Variants in CDK17 observed in about 807,000 individuals in gnomAD.
CDK17 encodes cyclin dependent kinase 17.
A neutral mutation model predicts 77.6 loss-of-function variants in CDK17; 24 were observed. That is an observed-to-expected ratio of 0.31 (90% confidence interval 0.22 to 0.44). CDK17 has a LOEUF of 0.44. CDK17 is among the 20% of genes least tolerant of loss of function. The pLI, the probability that CDK17 is intolerant of heterozygous loss-of-function variation, is 1.00. For missense variants in CDK17, 429 were observed against 622.5 expected (o/e 0.69, Z 3.31); for synonymous variants, 203 against 210.4 (o/e 0.96, Z 0.30).
In CDK17 at chr12:96,358,592, C is replaced by T. The variant is rs556151957; in HGVS notation, c.-29-23727G>A. 1.6e-3 allele frequency among the ~76,000 whole-genome samples: 247 copies of T among 152,186 alleles called. 2 individuals are homozygous for T. The highest frequency in any genetic ancestry group is 1.5e-3 in the Non-Finnish European group (103 of 67,984). On this transcript the variant is annotated intron_variant, in intron 1 of 16. Coordinates refer to ENST00000261211, the MANE Select transcript of CDK17 (RefSeq NM_002595.5). ...ATCTCAGCACTTTGGAAGGCTGAGG[C>T]AGGTGGATCACCTGAGGTCAGGAGT...
At chr12:96,376,965 C>T (rs1250750302) in intron 1 of CDK17, among the ~76,000 whole-genome samples, 2 of 152,042 alleles carry the variant, frequency 1.3e-5, no homozygotes, top group Non-Finnish European at 2.9e-5. Context: ...AAGGAGTTTC[C>T]ATTTACTATA....
chr12:96,333,489 A>AC (rs1336594788), intron 2 of CDK17, among the ~76,000 whole-genome samples: 1 of 151,630 alleles, frequency 6.6e-6, no homozygotes, highest in Non-Finnish European at 1.5e-5. Flanking sequence ...ACATGGTGAA[A>AC]CCCCAACCCC....
Position 96,313,302 on chromosome 12 carries a change from G to A in CDK17, c.417+19C>T, listed in dbSNP as rs766201328. 4 of 1,557,656 alleles carry A rather than the reference G, an allele frequency of 2.6e-6. No homozygotes were observed. In the East Asian group the frequency reaches 7.3e-5, roughly 28 times the overall value. On this transcript the variant is annotated intron_variant, in intron 4 of 16. Coordinates refer to ENST00000261211, the MANE Select transcript of CDK17 (RefSeq NM_002595.5). Reference sequence around the variant, plus strand: ...AACACACATATTCACAAGTATATTTGTATTTTTTAAATGATTACCTCCATT... The same window carrying A: ...AACACACATATTCACAAGTATATTTATATTTTTTAAATGATTACCTCCATT...
intron 1 of CDK17, among the ~76,000 whole-genome samples, chr12:96,381,207 T>C (rs538306460): frequency 6.6e-6 from 1 of 152,348 alleles, no homozygotes; most frequent in African/African-American, 2.4e-5. Context: ...ATGGTCTCCT[T>C]GGAAATCCAT....
chr12:96,337,537 TAGATG>T (rs1053630103), intron 1 of CDK17, among the ~76,000 whole-genome samples: 2 of 152,194 alleles, frequency 1.3e-5, no homozygotes, highest in African/African-American at 4.8e-5. Flanking sequence ...TGATGTGGAT[TAGATG>T]AGATAATATA....
rs540005846 is a variant in CDK17 at position 96,355,629 on chromosome 12, G to A, written c.-29-20764C>T. On this transcript the variant is annotated intron_variant, in intron 1 of 16. Coordinates refer to ENST00000261211, the MANE Select transcript of CDK17 (RefSeq NM_002595.5). Reference sequence around the variant, plus strand: ...CACCATGTTGGCGAGGATGGTCTCCGCCTCTTGACCTTGTGATCCGCCCAC... The same window carrying A: ...CACCATGTTGGCGAGGATGGTCTCCACCTCTTGACCTTGTGATCCGCCCAC... 2.7e-4 allele frequency among the ~76,000 whole-genome samples: 41 copies of A among 151,950 alleles called. No homozygotes were observed. The South Asian group carries it at 7.1e-3, about 26-fold the overall frequency.
intron 5 of CDK17, among the ~76,000 whole-genome samples, chr12:96,304,128 C>G (rs1443912703): frequency 1.3e-5 from 2 of 152,164 alleles, no homozygotes; most frequent in Non-Finnish European, 2.9e-5. Context: ...TATCCTCAGA[C>G]TATGTTTGAC....
chr12:96,399,800 C>T (rs568109505), intron 1 of CDK17, among the ~76,000 whole-genome samples, 186 bp downstream of exon 1: 3 of 152,152 alleles, frequency 2.0e-5, no homozygotes, highest in Admixed American at 2.0e-4. Context: ...CCTCGCTGGA[C>T]CGGAGAGGTG....
intron 1 of CDK17, among the ~76,000 whole-genome samples, chr12:96,379,040 G>T (rs1953833285): frequency 6.6e-6 from 1 of 152,090 alleles, no homozygotes; most frequent in South Asian, 2.1e-4. Flanking sequence ...GAATCTGAAG[G>T]TTCAAATACT....
chr12:96,300,601 T>A (rs11108456), intron 5 of CDK17, among the ~76,000 whole-genome samples: 12,114 of 152,164 alleles, frequency 0.08, 665 homozygotes, highest in South Asian at 0.17. Context: ...TTCAACACAT[T>A]GGCCAGGCTG....
chr12:96,388,985 T>A (rs1197060082), intron 1 of CDK17, among the ~76,000 whole-genome samples: 1 of 152,056 alleles, frequency 6.6e-6, no homozygotes, highest in Non-Finnish European at 1.5e-5. Context: ...ATGAGGGATC[T>A]GCCCCATGAT....
At chr12:96,399,902 G>C (rs894039256) in intron 1 of CDK17, 84 bp downstream of exon 1, 15 of 266,286 alleles carry the variant, frequency 5.6e-5, no homozygotes, top group Non-Finnish European at 7.0e-5. Flanking sequence ...CCCCGCCCCC[G>C]CCTCTGTCCC....
intron 1 of CDK17, among the ~76,000 whole-genome samples, chr12:96,348,601 A>G (rs951732099): frequency 6.6e-6 from 1 of 151,926 alleles, no homozygotes; most frequent in African/African-American, 2.4e-5. Context: ...TAACAAGAAG[A>G]GATTACACTC....
At chr12:96,304,990 T>G (rs1266654703) in intron 5 of CDK17, among the ~76,000 whole-genome samples, 1 of 152,208 alleles carries the variant, frequency 6.6e-6, no homozygotes, top group Non-Finnish European at 1.5e-5. Context: ...ATAATTTGAA[T>G]ACAATAAGAC....
intron 5 of CDK17, among the ~76,000 whole-genome samples, chr12:96,304,860 T>C (rs951891286): frequency 1.3e-5 from 2 of 152,214 alleles, no homozygotes; most frequent in Non-Finnish European, 2.9e-5. Flanking sequence ...GACTTGATTG[T>C]ATTTTCTCAC....
At chr12:96,309,585 C>T (rs772945477) in intron 5 of CDK17, among the ~76,000 whole-genome samples, 12 of 151,982 alleles carry the variant, frequency 7.9e-5, no homozygotes, top group Non-Finnish European at 1.2e-4. Flanking sequence ...TGACAAAGGT[C>T]CTGTATATAA....
chr12:96,373,140 G>C (rs1044691630), intron 1 of CDK17, among the ~76,000 whole-genome samples: 19 of 152,174 alleles, frequency 1.2e-4, no homozygotes, highest in Non-Finnish European at 2.9e-5. Context: ...AGAGTTTATA[G>C]CACATAGGAA....
chr12:96,381,558 C>T (rs1183546318), intron 1 of CDK17, among the ~76,000 whole-genome samples: 1 of 151,936 alleles, frequency 6.6e-6, no homozygotes, highest in Non-Finnish European at 1.5e-5. Flanking sequence ...CCGCAATTTT[C>T]CTCCCATAAA....
At chr12:96,376,625 T>C (rs1426997696) in intron 1 of CDK17, among the ~76,000 whole-genome samples, 1 of 152,216 alleles carries the variant, frequency 6.6e-6, no homozygotes, top group Non-Finnish European at 1.5e-5. Context: ...AATACTGTTA[T>C]AAAAGGTTAA....
Sources: gnomAD v4.1 joint callset for allele counts (sites outside exome capture counted in the v4.1 genomes callset) on GRCh38, gnomAD v4.1.1 for gene constraint, MANE v1.5 for transcripts, NCBI Gene and HGNC (gene_info 2026-07-23, HGNC 2026-07-21) for gene names.